Variants in CFLAR observed in about 807,000 individuals in gnomAD.
The protein encoded by CFLAR is CASP8 and FADD-like apoptosis regulator.
In CFLAR, 14 loss-of-function variants were observed where a neutral mutation model predicts 51.1. The ratio of observed to expected loss-of-function variants is 0.27; its 90% CI spans 0.18 to 0.43. The LOEUF is 0.43. Ranked by LOEUF, CFLAR falls within the 20% of genes least tolerant of loss-of-function variation. The pLI is 1.00. For missense variants in CFLAR, 390 were observed against 566.5 expected (o/e 0.69, Z 3.16); for synonymous variants, 210 against 211.6 (o/e 0.99, Z 0.06).
At chr2:201,147,347 G>A (rs573781241) in intron 6 of CFLAR, among the ~76,000 whole-genome samples, 27 of 151,862 alleles carry the variant, frequency 1.8e-4, no homozygotes, top group African/African-American at 5.6e-4. Context: ...TGGGCAACAT[G>A]GTGAAACCCC....
chr2:201,136,180 T>TA, intron 4 of CFLAR, 73 bp downstream of exon 4: 2 of 1,612,016 alleles, frequency 1.2e-6, no homozygotes, highest in Non-Finnish European at 1.7e-6. Context: ...GACTGATAAA[T>TA]ATTCATTTGT....
chr2:201,158,987 C>G (rs946836721), intron 8 of CFLAR, among the ~76,000 whole-genome samples: 1 of 151,408 alleles, frequency 6.6e-6, no homozygotes, highest in African/African-American at 2.4e-5. Context: ...AAGCAATTCT[C>G]CTGTCTCAGC....
chr2:201,162,313 A>C (rs189192934), intron 9 of CFLAR, among the ~76,000 whole-genome samples: 1,740 of 152,286 alleles, frequency 0.011, 17 homozygotes, highest in Non-Finnish European at 0.017. Context: ...CATGTTGGCC[A>C]GGCTGGTCCC....
Position 201,134,037 on chromosome 2 carries a change from G to A in CFLAR, c.387+903G>A, listed in dbSNP as rs191607094. Among the ~76,000 whole-genome samples the A allele has an allele frequency of 3.2e-3, 486 of 151,368 alleles. 2 individuals carry two copies. Among genetic ancestry groups the A allele is most frequent in the African/African-American group, 0.011 (456 of 41,270 alleles). On this transcript the variant is annotated intron_variant, in intron 3 of 9. Transcript: ENST00000309955. ...ATATTTAAAATCCATGGCCAGGCAC[G>A]GTGGCTCACGCCTGTAATCCTAGCA...
intron 9 of CFLAR, among the ~76,000 whole-genome samples, chr2:201,161,290 G>A (rs543968772): frequency 2.2e-4 from 33 of 152,296 alleles, no homozygotes; most frequent in African/African-American, 7.5e-4. Flanking sequence ...AGGATTGCTT[G>A]AGCCCAGGAG....
chr2:201,119,841 T>TTTTG (rs947737419), intron 1 of CFLAR, among the ~76,000 whole-genome samples: 12 of 138,074 alleles, frequency 8.7e-5, no homozygotes, highest in African/African-American at 3.1e-4. Context: ...AGTTTAATGT[T>TTTTG]TTTTTTTTTT....
At chr2:201,162,194 C>T (rs1020171310) in intron 9 of CFLAR, among the ~76,000 whole-genome samples, 8 of 152,156 alleles carry the variant, frequency 5.3e-5, no homozygotes, top group African/African-American at 1.9e-4. Flanking sequence ...CATCCACCTC[C>T]CGGGTTCAGG....
intron 7 of CFLAR, 138 bp downstream of exon 7, chr2:201,149,190 A>G (rs887655029): frequency 4.9e-6 from 3 of 608,048 alleles, no homozygotes; most frequent in Admixed American, 5.6e-5. Context: ...GAACTTCCAT[A>G]CAAGGGAACC....
chr2:201,138,867 G>A lies in CFLAR; in HGVS notation c.524-1490G>A, dbSNP rs539801693. On this transcript the variant is annotated intron_variant, in intron 4 of 9. Transcript: ENST00000309955. The surrounding 1 kb of genome is among the most constrained non-coding windows in gnomAD (Gnocchi z 4.0). ...AGTGTCCATGGGGGAGGAGATCAGC[G>A]GCGTCTTCAGAGTGACCATTGGGTC... The A allele has an allele frequency of 1.4e-5, 10 of 711,118 alleles. No individual in the cohort carries two copies. Among genetic ancestry groups the A allele is most frequent in the African/African-American group, 1.4e-4 (8 of 57,572 alleles). 44.1% of individuals were successfully genotyped at this position (711,118 alleles called of 1,614,324 possible).
At chr2:201,130,447 C>T (rs948972952) in intron 2 of CFLAR, among the ~76,000 whole-genome samples, 1 of 149,224 alleles carries the variant, frequency 6.7e-6, no homozygotes, top group African/African-American at 2.5e-5. Context: ...CTGCAACCTC[C>T]GCCTTCTGGG....
chr2:201,143,891 G>A (rs1029110571), intron 5 of CFLAR, among the ~76,000 whole-genome samples: 7 of 152,024 alleles, frequency 4.6e-5, no homozygotes, highest in Admixed American at 1.3e-4. Context: ...GAACCCAGGC[G>A]GCAGAGGTTG....
At chr2:201,130,182 G>A (rs765838452) in intron 2 of CFLAR, 36 bp downstream of exon 2, 6 of 1,341,114 alleles carry the variant, frequency 4.5e-6, no homozygotes, top group Admixed American at 2.6e-5. Flanking sequence ...TGGGTGGGTG[G>A]GAGGGAGTGA....
At chr2:201,155,001 G>A (rs1941916912) in intron 8 of CFLAR, among the ~76,000 whole-genome samples, 1 of 152,234 alleles carries the variant, frequency 6.6e-6, no homozygotes, top group Non-Finnish European at 1.5e-5. Flanking sequence ...AATGCTCAGG[G>A]ATTTGGGAAC....
In CFLAR at chr2:201,163,961, C is replaced by T; in HGVS notation, c.1431C>T (p.Leu477=). ...LQHTLRKKLI[L]SYT Reference sequence around the variant, plus strand: ...ACACTCTGAGAAAGAAACTTATCCTCTCCTACACATAAGAAACCAAAAGGC... The same window carrying T: ...ACACTCTGAGAAAGAAACTTATCCTTTCCTACACATAAGAAACCAAAAGGC... Residue 477 remains leucine (L), a synonymous_variant, in exon 10 of 10, where the codon CTC becomes CTT. Coordinates refer to ENST00000309955, the MANE Select transcript of CFLAR (RefSeq NM_003879.7). 6.2e-7 allele frequency: 1 copy of T among 1,613,334 alleles called. No individual in the cohort carries two copies. Among genetic ancestry groups the T allele is most frequent in the Non-Finnish European group, 8.5e-7 (1 of 1,179,752 alleles).
chr2:201,136,532 A>C (rs2050152892), intron 4 of CFLAR: 1 of 1,519,408 alleles, frequency 6.6e-7, no homozygotes, highest in African/African-American at 1.4e-5. Context: ...AGTTTCACAA[A>C]ACCTCCTTAT....
chr2:201,136,513 T>C (rs2050150708), intron 4 of CFLAR: 10 of 1,558,142 alleles, frequency 6.4e-6, no homozygotes, highest in Non-Finnish European at 7.8e-6. Flanking sequence ...CTTCCTTGCA[T>C]GTGTCCCAAG....
chr2:201,139,948 AG>A, intron 4 of CFLAR: 1 of 199,218 alleles, frequency 5.0e-6, no homozygotes. Flanking sequence ...ACAGGTGTGG[AG>A]GGGCAACCCA....
At position 201,147,306 on chromosome 2, in the gene CFLAR, A is replaced by C. The variant is rs181698675; in HGVS notation, c.662-1697A>C. 1.5e-3 allele frequency among the ~76,000 whole-genome samples: 225 copies of C among 152,176 alleles called. 2 individuals carry two copies. The highest frequency in any genetic ancestry group is 5.3e-3 in the African/African-American group (220 of 41,518). ...CACTTTGGGAGGTCGAGGTGGGTGC[A>C]TCACCTGAGGTCAGGAGTTCAAGAC... On this transcript the variant is annotated intron_variant, in intron 6 of 9. Coordinates refer to ENST00000309955, the MANE Select transcript of CFLAR (RefSeq NM_003879.7).
Position 201,170,139 on chromosome 2 carries a change from A to T in CFLAR, c.*6166A>T, listed in dbSNP as rs1189172383. The T allele has an allele frequency of 6.6e-6, 1 of 152,242 alleles. No homozygotes were observed. The highest frequency in any genetic ancestry group is 1.5e-5 in the Non-Finnish European group (1 of 68,038). The allele number at this position is 152,242 out of a possible 1,614,324, so 9.4% of individuals were successfully genotyped here. On this transcript the variant is annotated 3_prime_UTR_variant, in exon 10 of 10. Coordinates refer to ENST00000309955, the MANE Select transcript of CFLAR (RefSeq NM_003879.7). ...AAAGGAATATAAACCATTTTATTAT[A>T]AAGATACATGCACATTTTTGTTCAT...
Sources: allele counts gnomAD v4.1 joint callset (sites outside exome capture counted in the v4.1 genomes callset), GRCh38; gene constraint gnomAD v4.1.1; non-coding constraint Gnocchi (gnomAD v3.1); transcripts MANE v1.5; gene names NCBI Gene and HGNC (gene_info 2026-07-23, HGNC 2026-07-21).